KYNU: variants seen among roughly 807,000 people sequenced by gnomAD.
KYNU encodes kynureninase.
KYNU carries 54 observed loss-of-function variants against 59.2 expected under a neutral mutation model. The ratio of observed to expected loss-of-function variants is 0.91; its 90% CI spans 0.73 to 1.14. The LOEUF (loss-of-function observed/expected upper bound fraction) is 1.14, where lower values mean the gene tolerates loss of function less well. KYNU is among the 50% of genes most tolerant of loss of function. The pLI is 0.00. For synonymous variants in KYNU, 177 were observed against 192.0 expected, an observed-to-expected ratio of 0.92 and a Z score of 0.65; for missense variants, 567 against 554.4, an observed-to-expected ratio of 1.02 and a Z score of -0.23.
Position 142,985,151 on chromosome 2 carries a change from G to C in KYNU, c.797G>C (p.Gly266Ala). The part of the protein sequence containing the change: ...GNVELYLHDW[G>A]VDFACWCSYK... ...GTTGAACTCTACTTACATGACTGGG[G>C]AGTTGATTTTGCCTGCTGGTGTTCC... The change falls in exon 9 of 14, where the codon GGA becomes GCA. Residue 266 changes from glycine (G) to alanine (A), a missense_variant. Gly to Ala is a moderately conservative substitution (Grantham distance 60). Transcript: ENST00000264170. The C allele has an allele frequency of 6.2e-7, 1 of 1,610,814 alleles. No homozygotes were observed.
chr2:142,964,864 A>G (rs1425609440), intron 8 of KYNU: 1 of 152,236 alleles, frequency 6.6e-6, no homozygotes, highest in East Asian at 1.9e-4. Context: ...CTCAATAACA[A>G]GGGAAGGCCA....
intron 2 of KYNU, among the ~76,000 whole-genome samples, chr2:142,901,894 G>A (rs753267968): frequency 4.6e-5 from 7 of 152,130 alleles, no homozygotes; most frequent in Non-Finnish European, 8.8e-5. Context: ...ACCTCTAGAA[G>A]GTCCCTCGAG....
chr2:142,985,310 G>A (rs1685167708), intron 9 of KYNU, 128 bp downstream of exon 9: 1 of 696,990 alleles, frequency 1.4e-6, no homozygotes, highest in African/African-American at 1.8e-5. Flanking sequence ...TGTATTTTCT[G>A]CTTTTTGTTA....
At chr2:143,031,962 GAA>G (rs1686757065) in intron 11 of KYNU, among the ~76,000 whole-genome samples, 1 of 152,088 alleles carries the variant, frequency 6.6e-6, no homozygotes, top group Admixed American at 6.5e-5. Flanking sequence ...GAGAGAGAGA[GAA>G]AGAGAGAGAG....
rs186604226 is a variant in KYNU at position 142,965,273 on chromosome 2, C to G, written c.729+4503C>G. Reference sequence around the variant, plus strand: ...CACCATCTTTCTGGACCAGTACACTCAGCTTTTCTGTTCTTGACCTTTTTA... The same window carrying G: ...CACCATCTTTCTGGACCAGTACACTGAGCTTTTCTGTTCTTGACCTTTTTA... On this transcript the variant is annotated intron_variant, in intron 8 of 13. Coordinates refer to ENST00000264170, the MANE Select transcript of KYNU (RefSeq NM_003937.3). Among the ~76,000 whole-genome samples the G allele has an allele frequency of 3.0e-3, 461 of 152,318 alleles. 2 individuals are homozygous for G. Among genetic ancestry groups the G allele is most frequent in the Non-Finnish European group, 4.4e-3 (299 of 68,020 alleles).
chr2:143,024,444 G>GA (rs1390067705), intron 10 of KYNU, among the ~76,000 whole-genome samples: 1 of 151,928 alleles, frequency 6.6e-6, no homozygotes, highest in Non-Finnish European at 1.5e-5. Context: ...GAATTCATGG[G>GA]AAAAATATTA....
chr2:143,005,953 C>T (rs1421583637), intron 10 of KYNU, among the ~76,000 whole-genome samples: 1 of 152,150 alleles, frequency 6.6e-6, no homozygotes, highest in East Asian at 1.9e-4. Context: ...GAACCCAAAT[C>T]ACTGAAGCTG....
At chr2:142,963,944 A>C (rs1482790344) in intron 8 of KYNU, among the ~76,000 whole-genome samples, 3 of 152,148 alleles carry the variant, frequency 2.0e-5, no homozygotes, top group Non-Finnish European at 4.4e-5. Flanking sequence ...TGAAATTTTT[A>C]TTCTTTGAGC....
intron 4 of KYNU, among the ~76,000 whole-genome samples, chr2:142,946,856 T>C (rs1244362519): frequency 6.6e-6 from 1 of 152,238 alleles, no homozygotes; most frequent in Non-Finnish European, 1.5e-5. Flanking sequence ...CTCATTCATC[T>C]ACACTGAAAA....
At chr2:143,014,610 T>C (rs547004500) in intron 10 of KYNU, among the ~76,000 whole-genome samples, 1 of 152,330 alleles carries the variant, frequency 6.6e-6, no homozygotes, top group Non-Finnish European at 1.5e-5. Context: ...TTTTGTTCTA[T>C]ATGCACCGTT....
chr2:142,957,970 C>T, intron 7 of KYNU: 1 of 385,242 alleles, frequency 2.6e-6, no homozygotes, highest in Non-Finnish European at 4.7e-6. Flanking sequence ...CTGGATTCTG[C>T]CATATTCTTC....
At chr2:142,929,705 A>G (rs563127222) in intron 4 of KYNU, among the ~76,000 whole-genome samples, 2 of 152,252 alleles carry the variant, frequency 1.3e-5, no homozygotes. Context: ...TTATAGATGG[A>G]GTCAAAGATT....
chr2:142,896,257 G>A (rs920802112), intron 2 of KYNU, among the ~76,000 whole-genome samples: 1 of 152,184 alleles, frequency 6.6e-6, no homozygotes, highest in African/African-American at 2.4e-5. Flanking sequence ...CACCAGTAAT[G>A]TGTGGGAATG....
At position 143,048,121 on chromosome 2, in the gene KYNU, G is replaced by C. The variant is rs1437112668; in HGVS notation, c.*5949G>C. The C allele has an allele frequency of 1.3e-5, 2 of 152,012 alleles. No individual in the cohort carries two copies. The highest frequency in any genetic ancestry group is 4.8e-5 in the African/African-American group (2 of 41,380). The allele number at this position is 152,012 out of a possible 1,614,324, so 9.4% of individuals were successfully genotyped here. A position where few individuals can be genotyped will look rare whatever the true frequency, so the allele number is the denominator to read the frequency against. On this transcript the variant is annotated 3_prime_UTR_variant, in exon 14 of 14. Coordinates refer to ENST00000264170, the MANE Select transcript of KYNU (RefSeq NM_003937.3). The stretch of plus-strand genomic sequence containing the variant: ...TGACCTTCCAAAATGCTGGGATTAC[G>C]TGTGAGCCACCAAACCCAGCCCCTC...
intron 8 of KYNU, among the ~76,000 whole-genome samples, chr2:142,978,724 A>T (rs1402618732): frequency 6.6e-6 from 1 of 152,178 alleles, no homozygotes; most frequent in African/African-American, 2.4e-5. Context: ...TATTATTTTA[A>T]TAATTAATAA....
In KYNU at chr2:142,940,587, C is replaced by CA. The variant is rs549275003; in HGVS notation, c.373+12852dup. Among the ~76,000 whole-genome samples, 1,183 of 151,948 alleles carry CA rather than the reference C, an allele frequency of 7.8e-3. 10 individuals are homozygous for CA. Among genetic ancestry groups the CA allele is most frequent in the Middle Eastern group, 0.02 (6 of 294 alleles). ...TTTCATTATTGTTACTAAGGAAAAA[C>CA]AAAAAATAAGAGAAAGACTATAAAT... is the stretch of plus-strand genomic sequence containing the variant. On this transcript the variant is annotated intron_variant, in intron 4 of 13. Coordinates refer to ENST00000264170, the MANE Select transcript of KYNU (RefSeq NM_003937.3).
intron 13 of KYNU, among the ~76,000 whole-genome samples, chr2:143,041,151 A>T (rs149747225): frequency 6.6e-6 from 1 of 152,208 alleles, no homozygotes; most frequent in East Asian, 1.9e-4. Flanking sequence ...CATTGCAAGG[A>T]ATAATTTTTT....
chr2:143,027,797 G>T (rs946395051), intron 10 of KYNU, among the ~76,000 whole-genome samples: 1 of 152,078 alleles, frequency 6.6e-6, no homozygotes, highest in African/African-American at 2.4e-5. Flanking sequence ...TTTTGGAAAT[G>T]TCATAATTAA....
At chr2:143,026,796 A>G (rs1558982090) in intron 10 of KYNU, among the ~76,000 whole-genome samples, 1 of 152,200 alleles carries the variant, frequency 6.6e-6, no homozygotes, top group African/African-American at 2.4e-5. Context: ...GGGGCCTCTG[A>G]CTTTTCACAT....
Sources: gnomAD v4.1 joint callset for allele counts (sites outside exome capture counted in the v4.1 genomes callset) on GRCh38, gnomAD v4.1.1 for gene constraint, MANE v1.5 for transcripts, NCBI Gene and HGNC (gene_info 2026-07-23, HGNC 2026-07-21) for gene names.